RALGAPA1: variants seen among roughly 807,000 people sequenced by gnomAD.
The protein encoded by RALGAPA1 is ral GTPase-activating protein subunit alpha-1.
RALGAPA1 carries 52 observed loss-of-function variants against 269.6 expected under a neutral mutation model. The ratio of observed to expected loss-of-function variants is 0.19; its 90% CI spans 0.15 to 0.24. The LOEUF is 0.24. Ranked by LOEUF, RALGAPA1 falls within the 10% of genes least tolerant of loss-of-function variation. The probability of loss-of-function intolerance (pLI) is 1.00; values close to 1 mark genes in which losing one functional copy is unlikely to be tolerated. For missense variants in RALGAPA1, 1,917 were observed against 3,013.9 expected, an observed-to-expected ratio of 0.64 and a Z score of 8.52; for synonymous variants, 817 against 1,008.3, an observed-to-expected ratio of 0.81 and a Z score of 3.60.
chr14:35,740,501 T>C (rs1280533693), intron 11 of RALGAPA1, among the ~76,000 whole-genome samples: 2 of 152,200 alleles, frequency 1.3e-5, no homozygotes, highest in African/African-American at 2.4e-5. Flanking sequence ...ACAGATGCTA[T>C]GAGAATTTTA....
chr14:35,742,630 TAA>T, intron 10 of RALGAPA1, 65 bp from the exon 11 acceptor site: 1 of 1,148,064 alleles, frequency 8.7e-7, no homozygotes, highest in Non-Finnish European at 1.3e-6. Context: ...ACTAACGCAG[TAA>T]TGTTTTTCAC....
intron 35 of RALGAPA1, 29 bp from the exon 36 acceptor site, chr14:35,605,738 T>G: frequency 6.3e-7 from 1 of 1,596,958 alleles, no homozygotes. Context: ...CACCATTAAT[T>G]TAATCACTAT....
Position 35,702,117 on chromosome 14 carries a change from G to C in RALGAPA1, c.2267-1815C>G, listed in dbSNP as rs114477353. ...TTCGAATGCAAGAACCATATCCCCT[G>C]ATCTTTGAATCCCTACTCCCTACCA... On this transcript the variant is annotated intron_variant, in intron 16 of 41. Transcript: ENST00000680220. Among the ~76,000 whole-genome samples, 696 of 152,196 alleles carry C rather than the reference G, an allele frequency of 4.6e-3. 10 individuals carry two copies. The highest frequency in any genetic ancestry group is 0.016 in the African/African-American group (671 of 41,504).
At chr14:35,705,079 T>C (rs2067684782) in intron 16 of RALGAPA1, among the ~76,000 whole-genome samples, 1 of 152,146 alleles carries the variant, frequency 6.6e-6, no homozygotes, top group Non-Finnish European at 1.5e-5. Context: ...CATACATCCC[T>C]TTCCCCCTCC....
At position 35,549,166 on chromosome 14, in the gene RALGAPA1, T is replaced by C. The variant is rs750455944; in HGVS notation, c.7565A>G (p.Asp2522Gly). ...QHHLEPTTFEDFAAQVFSPAP... is the reference protein window; with the variant it reads ...QHHLEPTTFEGFAAQVFSPAP... The stretch of plus-strand genomic sequence containing the variant: ...TGGAGAAAAAACCTGTGCTGCAAAA[T>C]CTTCAAATGTTGTTGGTTCTAAGTG... The change falls in exon 40 of 42, where the codon GAT becomes GGT. Residue 2522 changes from aspartate to glycine, a missense_variant. Asp to Gly is a moderately conservative substitution (Grantham distance 94, BLOSUM62 -1). Transcript: ENST00000680220. 6.2e-7 allele frequency: 1 copy of C among 1,612,660 alleles called. No individual in the cohort carries two copies.
intron 31 of RALGAPA1, among the ~76,000 whole-genome samples, 166 bp from the exon 32 acceptor site, chr14:35,635,764 T>C (rs2061629411): frequency 6.6e-6 from 1 of 152,228 alleles, no homozygotes; most frequent in Non-Finnish European, 1.5e-5. Flanking sequence ...ATATTGTATA[T>C]GAACATTATT....
At chr14:35,804,300 G>A (rs1191772370) in intron 1 of RALGAPA1, among the ~76,000 whole-genome samples, 1 of 149,792 alleles carries the variant, frequency 6.7e-6, no homozygotes, top group African/African-American at 2.5e-5. Flanking sequence ...GCTGGGCGCG[G>A]TGGCTCACAC....
At chr14:35,772,036 T>C (rs909887478) in intron 3 of RALGAPA1, among the ~76,000 whole-genome samples, 8 of 152,166 alleles carry the variant, frequency 5.3e-5, no homozygotes, top group Non-Finnish European at 4.4e-5. Flanking sequence ...TTAGATGCTA[T>C]GATGGATATA....
chr14:35,765,765 G>A, intron 4 of RALGAPA1: 1 of 414,134 alleles, frequency 2.4e-6, no homozygotes, highest in Non-Finnish European at 4.5e-6. Context: ...CAAAGGGCTG[G>A]GATTACAGGC....
chr14:35,751,841 C>T (rs1465108583), intron 8 of RALGAPA1, among the ~76,000 whole-genome samples, 183 bp downstream of exon 8: 1 of 151,342 alleles, frequency 6.6e-6, no homozygotes, highest in East Asian at 1.9e-4. Context: ...AAAAACTCAT[C>T]CTCATTGAAA....
At chr14:35,738,121 T>C (rs1186979174) in intron 12 of RALGAPA1, among the ~76,000 whole-genome samples, 2 of 151,522 alleles carry the variant, frequency 1.3e-5, no homozygotes, top group African/African-American at 2.4e-5. Flanking sequence ...GTAGTACTAT[T>C]TGGAATAGTG....
intron 39 of RALGAPA1, among the ~76,000 whole-genome samples, chr14:35,567,577 A>G (rs910621214): frequency 1.3e-5 from 2 of 152,086 alleles, no homozygotes; most frequent in Non-Finnish European, 1.5e-5. Context: ...AATGCTTTCT[A>G]ACTGCAAAGC....
At chr14:35,633,353 T>C (rs999474510) in intron 33 of RALGAPA1, among the ~76,000 whole-genome samples, 14 of 152,164 alleles carry the variant, frequency 9.2e-5, no homozygotes, top group African/African-American at 3.4e-4. Context: ...TGTCTAATTG[T>C]TTTTTGCTTT....
rs1015195924 is a variant in RALGAPA1, at chr14:35,762,811, T to A, written c.326-58A>T. 58 of 1,076,262 alleles carry A rather than the reference T, an allele frequency of 5.4e-5. 1 individual carries two copies. The African/African-American group carries it at 8.8e-4, about 16-fold the overall frequency. The allele number at this position is 1,076,262 out of a possible 1,614,324, so 66.7% of individuals were successfully genotyped here. ...TCTTATCTATTTGTAAATGTCAGAG[T>A]TCTCGGTCGGACTTGAAAACACTTT... On this transcript the variant is annotated intron_variant, in intron 4 of 41. Coordinates refer to ENST00000680220, the MANE Select transcript of RALGAPA1 (RefSeq NM_001346249.2).
At chr14:35,582,910 T>TC (rs1418329100) in intron 37 of RALGAPA1, among the ~76,000 whole-genome samples, 1 of 152,062 alleles carries the variant, frequency 6.6e-6, no homozygotes, top group Non-Finnish European at 1.5e-5. Context: ...AAGTTCACAA[T>TC]CCAGGGCCAC....
intron 21 of RALGAPA1, 97 bp downstream of exon 21, chr14:35,683,712 G>A: frequency 3.4e-6 from 3 of 874,530 alleles, no homozygotes; most frequent in Non-Finnish European, 5.1e-6. Context: ...TACTTAAATA[G>A]TAATAAGTAA....
At chr14:35,583,590 C>G (rs1035456245) in intron 37 of RALGAPA1, among the ~76,000 whole-genome samples, 1 of 152,006 alleles carries the variant, frequency 6.6e-6, no homozygotes, top group African/African-American at 2.4e-5. Context: ...AGTCATAAAC[C>G]CAGATCCAGG....
chr14:35,568,913 T>C lies in RALGAPA1; in HGVS notation c.7496+1704A>G, dbSNP rs570940808. ...AATTGATAAATCTCTACTTAGTGGA[T>C]GTCTCCAAATTATACTTTTGTTAAC... On this transcript the variant is annotated intron_variant, in intron 39 of 41. Coordinates refer to ENST00000680220, the MANE Select transcript of RALGAPA1 (RefSeq NM_001346249.2). Among the ~76,000 whole-genome samples, 4 of 152,386 alleles carry C rather than the reference T, an allele frequency of 2.6e-5. No individual in the cohort carries two copies. In the South Asian group the frequency reaches 8.3e-4, roughly 32 times the overall value.
intron 21 of RALGAPA1, among the ~76,000 whole-genome samples, chr14:35,680,802 G>A (rs1488560873): frequency 2.0e-5 from 3 of 151,440 alleles, no homozygotes; most frequent in Non-Finnish European, 4.4e-5. Context: ...TTTTAGTAGA[G>A]ACGGGGTTTC....
Sources: gnomAD v4.1 joint callset for allele counts (sites outside exome capture counted in the v4.1 genomes callset) on GRCh38, gnomAD v4.1.1 for gene constraint, MANE v1.5 for transcripts, NCBI Gene and HGNC (gene_info 2026-07-23, HGNC 2026-07-21) for gene names.